The following CENATAC variants were observed in gnomAD, a reference collection of about 807,000 sequenced individuals.
CENATAC encodes coiled-coil domain containing 84.
CENATAC carries 53 observed loss-of-function variants against 53.7 expected under a neutral mutation model. The ratio of observed to expected loss-of-function variants is 0.99; its 90% CI spans 0.79 to 1.24. CENATAC has a LOEUF of 1.24. CENATAC is among the 50% of genes most tolerant of loss of function. The probability of loss-of-function intolerance (pLI) is 0.00; values close to 1 mark genes in which losing one functional copy is unlikely to be tolerated. For synonymous variants in CENATAC, 156 were observed against 144.6 expected (o/e 1.08, Z -0.57); for missense variants, 474 against 417.8 (o/e 1.13, Z -1.17).
chr11:119,011,445 C>A (rs1942864693), intron 5 of CENATAC, 162 bp downstream of exon 5: 1 of 576,906 alleles, frequency 1.7e-6, no homozygotes, highest in Non-Finnish European at 3.0e-6. Flanking sequence ...ACGATCTCGG[C>A]TCACTGCAAC....
chr11:118,998,660 G>T, intron 2 of CENATAC, 67 bp downstream of exon 2: 5 of 1,503,722 alleles, frequency 3.3e-6, no homozygotes. Flanking sequence ...GGTTTGGGGT[G>T]GGTGAGAAAA....
At position 119,011,274 on chromosome 11, in the gene CENATAC, T is replaced by G; in HGVS notation, c.504T>G (p.Ser168=). 6.2e-7 allele frequency: 1 copy of G among 1,614,120 alleles called. No homozygotes were observed. Among genetic ancestry groups the G allele is most frequent in the Non-Finnish European group, 8.5e-7 (1 of 1,179,984 alleles). ...AGAGCCGACAGGAGGTGGTTCGGTC[T>G]GTCTTAGAGGTTGGTTTCCCTCGGA... ...VEQSRQEVVR[S]VLEPQAVPDP... The change falls in exon 5 of 11, where the codon TCT becomes TCG. Residue 168 remains serine, a synonymous_variant. Coordinates refer to ENST00000334418, the MANE Select transcript of CENATAC (RefSeq NM_198489.3).
chr11:119,013,218 A>G lies in CENATAC; in HGVS notation c.685-14A>G. The G allele has an allele frequency of 6.3e-7, 1 of 1,598,048 alleles. No homozygotes were observed. Among genetic ancestry groups the G allele is most frequent in the Non-Finnish European group, 8.5e-7 (1 of 1,173,106 alleles). ...GACTTTAACTAGCACTTTTTTTCCCATTTCCAACTACAGGATATACCAGGA... is the reference window on the plus strand; with the variant it reads ...GACTTTAACTAGCACTTTTTTTCCCGTTTCCAACTACAGGATATACCAGGA... On this transcript the variant is annotated splice_polypyrimidine_tract_variant and intron_variant, in intron 7 of 10. Transcript: ENST00000334418.
chr11:119,013,340 G>T, intron 8 of CENATAC, 78 bp downstream of exon 8: 4 of 1,132,836 alleles, frequency 3.5e-6, no homozygotes, highest in Middle Eastern at 6.0e-4. Flanking sequence ...TCTGTCGCCA[G>T]GCTGGAGTGC....
intron 3 of CENATAC, among the ~76,000 whole-genome samples, chr11:118,999,713 G>A (rs1182964579): frequency 3.3e-5 from 5 of 151,948 alleles, no homozygotes; most frequent in Admixed American, 1.3e-4. Flanking sequence ...CGCGATCTCC[G>A]CTCACTGCAA....
chr11:119,011,184 T>A, intron 4 of CENATAC, 37 bp from the exon 5 acceptor site: 1 of 1,589,046 alleles, frequency 6.3e-7, no homozygotes, highest in South Asian at 1.1e-5. Context: ...CTGGCCCCCA[T>A]GATCCTGTAC....
intron 8 of CENATAC, 186 bp from the exon 9 acceptor site, chr11:119,014,808 T>C (rs1394451831): frequency 2.3e-6 from 1 of 440,024 alleles, no homozygotes; most frequent in African/African-American, 2.0e-5. Context: ...CATTTTAAAA[T>C]GACTGTCACA....
At chr11:119,003,312 G>A (rs928255358) in intron 3 of CENATAC, 7 of 530,062 alleles carry the variant, frequency 1.3e-5, no homozygotes, top group Non-Finnish European at 2.2e-5. Flanking sequence ...GTCTTGGGCC[G>A]CCAGAAGGCT....
Position 119,001,787 on chromosome 11 carries a change from T to C in CENATAC, c.383+2678T>C, listed in dbSNP as rs1208168516. On this transcript the variant is annotated intron_variant, in intron 3 of 10. Transcript: ENST00000334418. Reference sequence around the variant, plus strand: ...AAACTAATGAAACTGCCAGATGTGGTGGTGCACACCTGTAGTCCTAGCTAC... The same window carrying C: ...AAACTAATGAAACTGCCAGATGTGGCGGTGCACACCTGTAGTCCTAGCTAC... The C allele has an allele frequency of 6.5e-5, 28 of 433,030 alleles. No individual in the cohort carries two copies. The East Asian group carries it at 1.0e-3, about 15-fold the overall frequency. The allele number at this position is 433,030 out of a possible 1,614,324, so 26.8% of individuals were successfully genotyped here. A position where few individuals can be genotyped will look rare whatever the true frequency, so the allele number is the denominator to read the frequency against.
In CENATAC at chr11:119,003,619, C is replaced by CTTTTTTT. The variant is rs782023708; in HGVS notation, c.383+4511_383+4512insTTTTTTT. The CTTTTTTT allele has an allele frequency of 1.9e-3, 213 of 110,980 alleles. 2 individuals are homozygous for CTTTTTTT. The highest frequency in any genetic ancestry group is 9.7e-3 in the African/African-American group (202 of 20,928). 6.9% of individuals were successfully genotyped at this position (110,980 alleles called of 1,614,324 possible). Reference sequence around the variant, plus strand: ...GGCCAATAATTAGAAATATTTCTCTCTCTTTTTTTTTTTTTTTTTTGGGAG... The same window carrying CTTTTTTT: ...GGCCAATAATTAGAAATATTTCTCTCTTTTTTTTCTTTTTTTTTTTTTTTTTTGGGAG... On this transcript the variant is annotated intron_variant, in intron 3 of 10. Transcript: ENST00000334418.
rs1194925721 is a variant in CENATAC at position 119,010,795 on chromosome 11, T to TC, written c.417dup (p.Tyr140LeufsTer2). On this transcript the variant is annotated frameshift_variant, in exon 4 of 11. Coordinates refer to ENST00000334418, the MANE Select transcript of CENATAC (RefSeq NM_198489.3). LOFTEE classifies it high-confidence loss of function. The stretch of plus-strand genomic sequence containing the variant: ...GAAATCCATGGTGAAAGGTTTGGAT[T>TC]CCTATGAAGAAAAGGAGGATAAAGT... 6.2e-7 allele frequency: 1 copy of TC among 1,614,024 alleles called. No homozygotes were observed. The highest frequency in any genetic ancestry group is 8.5e-7 in the Non-Finnish European group (1 of 1,180,008).
At chr11:119,015,214 C>A in intron 9 of CENATAC, 93 bp from the exon 10 acceptor site, 1 of 1,475,852 alleles carries the variant, frequency 6.8e-7, no homozygotes, top group Non-Finnish European at 9.2e-7. Flanking sequence ...TCACTTGAGC[C>A]CAGAAGTTTG....
Position 119,014,942 on chromosome 11 carries a change from C to G in CENATAC, c.716-52C>G, listed in dbSNP as rs1190511359. On this transcript the variant is annotated intron_variant, in intron 8 of 10. Coordinates refer to ENST00000334418, the MANE Select transcript of CENATAC (RefSeq NM_198489.3). The stretch of plus-strand genomic sequence containing the variant: ...AAGCTAACAGCTAGGACATGTTTCA[C>G]AATAGCCTGAAGACTTAAAAAAAAA... 7 of 1,212,660 alleles carry G rather than the reference C, an allele frequency of 5.8e-6. No individual in the cohort carries two copies. The African/African-American group carries it at 1.3e-4, about 22-fold the overall frequency. 75.1% of individuals were successfully genotyped at this position (1,212,660 alleles called of 1,614,324 possible).
At chr11:119,006,224 C>T (rs1942589183) in intron 3 of CENATAC, among the ~76,000 whole-genome samples, 1 of 147,942 alleles carries the variant, frequency 6.8e-6, no homozygotes, top group South Asian at 2.2e-4. Context: ...CAGGCACAGG[C>T]CACCACACCC....
intron 3 of CENATAC, chr11:119,004,573 TA>T (rs1942482593): frequency 1.3e-5 from 2 of 151,942 alleles, no homozygotes; most frequent in Non-Finnish European, 2.9e-5. Flanking sequence ...ATAAAAAGGG[TA>T]TCTGGATTAG....
chr11:118,998,353 G>C (rs782310142), intron 1 of CENATAC, 36 bp downstream of exon 1: 2 of 1,610,982 alleles, frequency 1.2e-6, no homozygotes, highest in South Asian at 1.1e-5. Context: ...ATGGGAGTGC[G>C]GGGCAGGTCA....
chr11:119,014,908 A>AG, intron 8 of CENATAC, 86 bp from the exon 9 acceptor site: 1 of 861,264 alleles, frequency 1.2e-6, no homozygotes, highest in Non-Finnish European at 1.8e-6. Flanking sequence ...GCTCTTAATG[A>AG]GGAGAGGTAA....
intron 3 of CENATAC, chr11:119,004,795 C>G (rs1022102744): frequency 3.3e-5 from 5 of 153,424 alleles, no homozygotes; most frequent in Admixed American, 2.0e-4. Context: ...TGCAGTGGCT[C>G]ATGACTGTAA....
At chr11:119,013,300 T>C in intron 8 of CENATAC, 38 bp downstream of exon 8, 1 of 290,682 alleles carries the variant, frequency 3.4e-6, no homozygotes, top group African/African-American at 2.6e-5. Context: ...CCCTGGGAGA[T>C]TTTTTTTTTT....
Sources: gnomAD v4.1 joint callset for allele counts (sites outside exome capture counted in the v4.1 genomes callset) on GRCh38, gnomAD v4.1.1 for gene constraint, MANE v1.5 for transcripts, NCBI Gene and HGNC (gene_info 2026-07-23, HGNC 2026-07-21) for gene names.